IGFL4: variants seen among roughly 807,000 people sequenced by gnomAD.
IGFL4 encodes IGF like family member 4, also known as insulin growth factor-like family member 4.
IGFL4 carries 12 observed loss-of-function variants against 15.4 expected under a neutral mutation model. The ratio of observed to expected loss-of-function variants is 0.78; its 90% CI spans 0.50 to 1.26. IGFL4 has a LOEUF of 1.26. Ranked by LOEUF, IGFL4 falls within the 50% of genes most tolerant of loss-of-function variation. The pLI, the probability that IGFL4 is intolerant of heterozygous loss-of-function variation, is 0.00. For synonymous variants in IGFL4, 54 were observed against 55.9 expected, an observed-to-expected ratio of 0.97 and a Z score of 0.16; for missense variants, 126 against 147.8, an observed-to-expected ratio of 0.85 and a Z score of 0.76.
At chr19:46,051,651 G>A (rs1463612463) in intron 2 of IGFL4, among the ~76,000 whole-genome samples, 2 of 152,162 alleles carry the variant, frequency 1.3e-5, no homozygotes, top group Admixed American at 6.5e-5. Flanking sequence ...AATGTTAAAT[G>A]TCAGTGGCCT....
In IGFL4 at chr19:46,039,953, G is replaced by A. The variant is rs1438094211; in HGVS notation, c.331-17C>T. On this transcript the variant is annotated splice_polypyrimidine_tract_variant and intron_variant, in intron 3 of 3. Transcript: ENST00000377697. ...GTGGTATTCCTGCAGAAGGAGAGAA[G>A]TGGGAGAGGGGAATAAGAGGGAGGG... The A allele has an allele frequency of 4.3e-6, 7 of 1,609,672 alleles. No individual in the cohort carries two copies. The highest frequency in any genetic ancestry group is 2.2e-5 in the East Asian group (1 of 44,880).
At chr19:46,072,966 C>T (rs1260601098) in intron 1 of IGFL4, among the ~76,000 whole-genome samples, 1 of 152,038 alleles carries the variant, frequency 6.6e-6, no homozygotes, top group Non-Finnish European at 1.5e-5. Context: ...CAAGAAAACA[C>T]AAAGCACTAT....
At chr19:46,077,503 G>A (rs985005365), upstream of IGFL4, among the ~76,000 whole-genome samples, 13 of 152,212 alleles carry the variant, frequency 8.5e-5, no homozygotes, top group African/African-American at 3.1e-4. This position sits in a 1 kb window ranked among gnomAD's most constrained non-coding sequence, Gnocchi z 5.4. Flanking sequence ...TATCATTCAG[G>A]AAGTGGACCC....
chr19:46,052,584 TG>T (rs969138221), intron 2 of IGFL4, among the ~76,000 whole-genome samples: 2 of 151,972 alleles, frequency 1.3e-5, no homozygotes, highest in African/African-American at 4.8e-5. Context: ...TAGCTGGGTG[TG>T]GTGGCATGTG....
chr19:46,049,844 C>T (rs1466654269), intron 2 of IGFL4, among the ~76,000 whole-genome samples: 1 of 152,230 alleles, frequency 6.6e-6, no homozygotes, highest in African/African-American at 2.4e-5. Context: ...CACCTCCTGG[C>T]TGGAGGCCAA....
chr19:46,065,720 A>T (rs1002309572), intron 1 of IGFL4, among the ~76,000 whole-genome samples: 1 of 152,380 alleles, frequency 6.6e-6, no homozygotes, highest in Admixed American at 6.5e-5. Flanking sequence ...TAGCCCCAGG[A>T]TATTGTCCAC....
At chr19:46,065,396 A>G (rs1329360896) in intron 1 of IGFL4, among the ~76,000 whole-genome samples, 1 of 152,176 alleles carries the variant, frequency 6.6e-6, no homozygotes, top group Non-Finnish European at 1.5e-5. Context: ...GATCTCACTC[A>G]CTGCAACCTC....
upstream of IGFL4, among the ~76,000 whole-genome samples, chr19:46,044,210 C>G (rs61342719): frequency 6.6e-6 from 1 of 152,126 alleles, no homozygotes; most frequent in Non-Finnish European, 1.5e-5. Context: ...CATAAGCCCA[C>G]GCCCAGAGAT....
intron 1 of IGFL4, among the ~76,000 whole-genome samples, chr19:46,068,691 T>C (rs1969517682): frequency 6.6e-6 from 1 of 152,196 alleles, no homozygotes; most frequent in African/African-American, 2.4e-5. Flanking sequence ...GGCCCAATCC[T>C]TCCTTCTGAG....
At position 46,067,805 on chromosome 19, in the gene IGFL4, C is replaced by T. The variant is rs550334508; in HGVS notation, c.-431-7512G>A. Among the ~76,000 whole-genome samples the T allele has an allele frequency of 2.6e-5, 4 of 152,266 alleles. No homozygotes were observed. The South Asian group carries it at 8.3e-4, about 32-fold the overall frequency. Reference sequence around the variant, plus strand: ...ATCCCTCAGGAAAGAGTCAGTCAGCCAGCCCCCAGGTGTGGAAACCAGATC... The same window carrying T: ...ATCCCTCAGGAAAGAGTCAGTCAGCTAGCCCCCAGGTGTGGAAACCAGATC... On this transcript the variant is annotated intron_variant, in intron 1 of 5. Coordinates refer to the IGFL4 transcript ENST00000601672.
intron 2 of IGFL4, among the ~76,000 whole-genome samples, chr19:46,054,513 T>C (rs1036656839): frequency 6.6e-6 from 1 of 152,232 alleles, no homozygotes; most frequent in Non-Finnish European, 1.5e-5. Flanking sequence ...GACAGCTTCG[T>C]AGTATATTTT....
At chr19:46,039,959 G>T (rs1969220478) in intron 3 of IGFL4, 23 bp from the exon 4 acceptor site, 3 of 1,607,102 alleles carry the variant, frequency 1.9e-6, no homozygotes, top group Non-Finnish European at 2.6e-6. Context: ...AGAAGTGGGA[G>T]AGGGGAATAA....
intron 2 of IGFL4, chr19:46,058,103 G>C (rs1392111655): frequency 6.6e-6 from 1 of 151,936 alleles, no homozygotes; most frequent in East Asian, 1.9e-4. Context: ...AAAGTCCATA[G>C]TCCAAAGTCT....
intron 1 of IGFL4, among the ~76,000 whole-genome samples, chr19:46,066,140 T>G (rs977924256): frequency 1.2e-4 from 19 of 152,138 alleles, no homozygotes; most frequent in Non-Finnish European, 2.6e-4. Flanking sequence ...ACCATCTTCT[T>G]GAAAGCCTGA....
At chr19:46,063,214 G>A (rs1038178150) in intron 1 of IGFL4, among the ~76,000 whole-genome samples, 4 of 152,000 alleles carry the variant, frequency 2.6e-5, no homozygotes, top group Admixed American at 1.3e-4. Context: ...GAATTGGCAC[G>A]GAGTGATGGG....
In IGFL4 at chr19:46,046,275, G is replaced by A. The variant is rs533446020; in HGVS notation, c.-322-5165C>T. 4.1e-4 allele frequency among the ~76,000 whole-genome samples: 63 copies of A among 152,186 alleles called. 2 individuals carry two copies. The South Asian group carries it at 8.7e-3, about 21-fold the overall frequency. On this transcript the variant is annotated intron_variant, in intron 2 of 5. Coordinates refer to the IGFL4 transcript ENST00000601672. The stretch of plus-strand genomic sequence containing the variant: ...TGAAGGAAGCAATAAATATGGAAAG[G>A]GAAAACCTTTACCAGCCACTACAAA...
At chr19:46,061,341 T>C (rs891755375) in intron 1 of IGFL4, among the ~76,000 whole-genome samples, 9 of 152,218 alleles carry the variant, frequency 5.9e-5, no homozygotes, top group Non-Finnish European at 8.8e-5. Context: ...TAGTTTTTGT[T>C]TTTCTGAGAA....
intron 2 of IGFL4, among the ~76,000 whole-genome samples, chr19:46,054,498 G>A (rs1318676009): frequency 6.6e-6 from 1 of 152,128 alleles, no homozygotes; most frequent in African/African-American, 2.4e-5. Context: ...TGCTATTTTG[G>A]TTACGACAGC....
Position 46,040,818 on chromosome 19 carries a change from G to A in IGFL4, c.19+126C>T. 1.0e-6 allele frequency: 1 copy of A among 973,370 alleles called. No homozygotes were observed. Among genetic ancestry groups the A allele is most frequent in the Non-Finnish European group, 1.6e-6 (1 of 624,594 alleles). The allele number at this position is 973,370 out of a possible 1,614,324, so 60.3% of individuals were successfully genotyped here. A position where few individuals can be genotyped will look rare whatever the true frequency, so the allele number is the denominator to read the frequency against. On this transcript the variant is annotated intron_variant, in intron 1 of 3. Coordinates refer to ENST00000377697, the MANE Select transcript of IGFL4 (RefSeq NM_001002923.3). The surrounding 1 kb of genome is among the most constrained non-coding windows in gnomAD (Gnocchi z 4.1). ...TTACAATGCAGTCACAGATGACATA[G>A]CAGTGATTATGAGGTGGGACACCAA...
Sources: allele counts gnomAD v4.1 joint callset (sites outside exome capture counted in the v4.1 genomes callset), GRCh38; gene constraint gnomAD v4.1.1; non-coding constraint Gnocchi (gnomAD v3.1); transcripts MANE v1.5; gene names NCBI Gene and HGNC (gene_info 2026-07-23, HGNC 2026-07-21).